OR9Q1: variants seen among roughly 807,000 people sequenced by gnomAD.
The protein encoded by OR9Q1 is olfactory receptor 9Q1.
For missense variants in OR9Q1, 374 were observed against 378.8 expected, an observed-to-expected ratio of 0.99 and a Z score of 0.11; for synonymous variants, 153 against 148.6, an observed-to-expected ratio of 1.03 and a Z score of -0.22.
intron 2 of OR9Q1, among the ~76,000 whole-genome samples, chr11:58,097,930 GC>G: frequency 6.6e-6 from 1 of 152,174 alleles, no homozygotes; most frequent in Non-Finnish European, 1.5e-5. Context: ...AAGCAGATAA[GC>G]GTTTGTAAGG....
chr11:58,028,897 T>TTA (rs1240352869), intron 1 of OR9Q1, among the ~76,000 whole-genome samples: 1 of 152,210 alleles, frequency 6.6e-6, no homozygotes, highest in African/African-American at 2.4e-5. Context: ...AACTTGCTAA[T>TTA]TATTTATAGG....
At chr11:58,133,058 G>A (rs942210156) in intron 2 of OR9Q1, among the ~76,000 whole-genome samples, 4 of 152,124 alleles carry the variant, frequency 2.6e-5, no homozygotes, top group Admixed American at 2.0e-4. Context: ...TTCTACCTGC[G>A]CTCAGCCCAG....
chr11:58,102,414 C>A (rs942493822), intron 2 of OR9Q1, among the ~76,000 whole-genome samples: 4 of 152,100 alleles, frequency 2.6e-5, no homozygotes, highest in Non-Finnish European at 5.9e-5. Context: ...CCTTTCACTT[C>A]CAGATGTAGG....
chr11:58,170,504 T>C (rs1854544469), intron 2 of OR9Q1, among the ~76,000 whole-genome samples: 1 of 152,194 alleles, frequency 6.6e-6, no homozygotes, highest in African/African-American at 2.4e-5. Context: ...AAAGCTTTGC[T>C]GTCAAAATGA....
chr11:58,157,941 G>C (rs2119915785), intron 2 of OR9Q1, among the ~76,000 whole-genome samples: 1 of 152,312 alleles, frequency 6.6e-6, no homozygotes, highest in African/African-American at 2.4e-5. Context: ...ACCTTCTCAG[G>C]CTCTCTTAGT....
In OR9Q1 at chr11:58,153,268, T is replaced by C. The variant is rs570819378; in HGVS notation, c.-14-26163T>C. On this transcript the variant is annotated intron_variant, in intron 2 of 2. Coordinates refer to ENST00000335397, the MANE Select transcript of OR9Q1 (RefSeq NM_001005212.4). ...TGAAGAAATCTCTTCTTTTGTTTAG[T>C]GTTAAGGAGATGGATGCCTTGGCTT... Among the ~76,000 whole-genome samples, 10 of 152,308 alleles carry C rather than the reference T, an allele frequency of 6.6e-5. No homozygotes were observed. The South Asian group carries it at 2.1e-3, about 32-fold the overall frequency.
intron 2 of OR9Q1, chr11:58,124,292 AG>A (rs1425045309): frequency 6.6e-5 from 10 of 152,188 alleles, no homozygotes; most frequent in Non-Finnish European, 1.3e-4. Flanking sequence ...GAACATTTAT[AG>A]GTTGATATTA....
At chr11:58,066,445 G>A (rs1188797248) in intron 2 of OR9Q1, among the ~76,000 whole-genome samples, 2 of 152,072 alleles carry the variant, frequency 1.3e-5, no homozygotes, top group South Asian at 2.1e-4. Flanking sequence ...CTTCGTTTGC[G>A]AGGATCTAGG....
chr11:58,034,297 C>T (rs1258989680), intron 1 of OR9Q1, among the ~76,000 whole-genome samples: 3 of 151,748 alleles, frequency 2.0e-5, no homozygotes, highest in African/African-American at 4.8e-5. Context: ...CCGTATTAGC[C>T]AGGATGGTCT....
chr11:58,163,666 A>G (rs1307320467), intron 2 of OR9Q1, among the ~76,000 whole-genome samples: 1 of 152,198 alleles, frequency 6.6e-6, no homozygotes, highest in Non-Finnish European at 1.5e-5. Flanking sequence ...GCCTGATTCC[A>G]GGGAGGGCAA....
chr11:58,061,756 C>T (rs1367373339), intron 2 of OR9Q1, among the ~76,000 whole-genome samples: 1 of 152,182 alleles, frequency 6.6e-6, no homozygotes, highest in East Asian at 1.9e-4. Flanking sequence ...TAAGATGTAA[C>T]ACATTTGGAG....
chr11:58,062,911 A>G (rs2119999943), intron 2 of OR9Q1, among the ~76,000 whole-genome samples: 1 of 152,304 alleles, frequency 6.6e-6, no homozygotes, highest in African/African-American at 2.4e-5. Flanking sequence ...AGTTCTCTCA[A>G]GATAGGCCTT....
intron 1 of OR9Q1, among the ~76,000 whole-genome samples, chr11:58,048,718 AAGAG>A (rs1368508170): frequency 7.0e-5 from 10 of 143,068 alleles, no homozygotes; most frequent in Non-Finnish European, 9.1e-5. Flanking sequence ...CTAATAAAAA[AAGAG>A]AGAAGAATCA....
At chr11:58,118,492 A>T (rs779686177) in intron 2 of OR9Q1, 7 of 1,554,844 alleles carry the variant, frequency 4.5e-6, no homozygotes, top group Non-Finnish European at 2.6e-6. Context: ...AATTCCTCTT[A>T]CTTAGATCTA....
At chr11:58,036,843 G>C (rs994940380) in intron 1 of OR9Q1, among the ~76,000 whole-genome samples, 3 of 152,174 alleles carry the variant, frequency 2.0e-5, no homozygotes, top group African/African-American at 7.2e-5. Flanking sequence ...GTAGTTTCTT[G>C]AGATGGACTC....
intron 2 of OR9Q1, among the ~76,000 whole-genome samples, chr11:58,082,690 T>C (rs1414933009): frequency 3.5e-4 from 50 of 143,708 alleles, no homozygotes; most frequent in Admixed American, 5.6e-4. Flanking sequence ...GGCACATGTA[T>C]GCATATGTAA....
At chr11:58,109,980 C>T (rs1468695358) in intron 2 of OR9Q1, among the ~76,000 whole-genome samples, 1 of 152,138 alleles carries the variant, frequency 6.6e-6, no homozygotes, top group African/African-American at 2.4e-5. Flanking sequence ...TCCCTCTGTG[C>T]TAGAATAATC....
At chr11:58,143,267 A>G (rs1239736431) in intron 2 of OR9Q1, among the ~76,000 whole-genome samples, 1 of 152,228 alleles carries the variant, frequency 6.6e-6, no homozygotes, top group Non-Finnish European at 1.5e-5. Context: ...TTGGCATTGT[A>G]ATCCTCATTT....
At chr11:58,095,529 G>A (rs1367789127) in intron 2 of OR9Q1, among the ~76,000 whole-genome samples, 4 of 152,160 alleles carry the variant, frequency 2.6e-5, no homozygotes, top group Admixed American at 6.6e-5. Context: ...GGGAGGCCTC[G>A]TAAACTTATA....
Sources: gnomAD v4.1 joint callset for allele counts (sites outside exome capture counted in the v4.1 genomes callset) on GRCh38, gnomAD v4.1.1 for gene constraint, MANE v1.5 for transcripts, NCBI Gene and HGNC (gene_info 2026-07-23, HGNC 2026-07-21) for gene names.